ARHGAP45: variants seen among roughly 807,000 people sequenced by gnomAD.
The protein encoded by ARHGAP45 is Rho GTPase activating protein 45, also known as rho GTPase-activating protein 45.
Under a neutral mutation model 116.1 loss-of-function variants are expected in ARHGAP45, and 56 were observed. The observed-to-expected ratio is 0.48, with a 90% CI of 0.39 to 0.60. The LOEUF (loss-of-function observed/expected upper bound fraction) is 0.60, where lower values mean the gene tolerates loss of function less well. Among genes scored for constraint, ARHGAP45 ranks in the 20% least tolerant of loss-of-function variants. The pLI is 0.00. For missense variants in ARHGAP45, 1,622 were observed against 1,601.0 expected, an observed-to-expected ratio of 1.01 and a Z score of -0.22; for synonymous variants, 866 against 701.7, an observed-to-expected ratio of 1.23 and a Z score of -3.70.
chr19:1,068,192 T>G lies in ARHGAP45; in HGVS notation c.91-222T>G. On this transcript the variant is annotated intron_variant, in intron 1 of 22. Coordinates refer to ENST00000313093, the MANE Select transcript of ARHGAP45 (RefSeq NM_012292.5). The surrounding 1 kb of genome is among the most constrained non-coding windows in gnomAD (Gnocchi z 7.5). ...CCCGCAGGCCCCGCCCCGGCTGTGG[T>G]TTGGGCAAGGACCGTTGTTTGTGAA... 16 of 498,386 alleles carry G rather than the reference T, an allele frequency of 3.2e-5. No individual in the cohort carries two copies. Among genetic ancestry groups the G allele is most frequent in the Non-Finnish European group, 4.2e-5 (12 of 287,914 alleles). The allele number at this position is 498,386 out of a possible 1,614,324, so 30.9% of individuals were successfully genotyped here. A position where few individuals can be genotyped will look rare whatever the true frequency, so the allele number is the denominator to read the frequency against.
rs1568464614 is a variant in ARHGAP45, at chr19:1,076,481, G to GTTTTTTTTTTTTTTTTTTTTTT, written c.1186-1375_1186-1374insTTTTTTTTTTTTTTTTTTTTTT. 1.5e-4 allele frequency among the ~76,000 whole-genome samples: 16 copies of GTTTTTTTTTTTTTTTTTTTTTT among 104,172 alleles called. 2 individuals carry two copies. Among genetic ancestry groups the GTTTTTTTTTTTTTTTTTTTTTT allele is most frequent in the African/African-American group, 6.3e-4 (16 of 25,344 alleles). 68.3% of individuals were successfully genotyped at this position (104,172 alleles called of 152,430 possible). ...TAGAAACCTGTGATTGTTGGCAGTA[G>GTTTTTTTTTTTTTTTTTTTTTT]TCTTTTTTTTTTTTTTTTTTTTTTT... On this transcript the variant is annotated intron_variant, in intron 10 of 22. Coordinates refer to ENST00000313093, the MANE Select transcript of ARHGAP45 (RefSeq NM_012292.5).
At position 1,071,270 on chromosome 19, in the gene ARHGAP45, G is replaced by A; in HGVS notation, c.422-1879G>A. On this transcript the variant is annotated intron_variant, in intron 2 of 22. Transcript: ENST00000313093. The surrounding 1 kb of genome is among the most constrained non-coding windows in gnomAD (Gnocchi z 4.6). ...CAGGCCCCACGCGCTCGCGGTCTCC[G>A]CGCCCCGACGGCTGCGCCATGTGTA... 4 of 1,480,488 alleles carry A rather than the reference G, an allele frequency of 2.7e-6. No homozygotes were observed. The highest frequency in any genetic ancestry group is 3.6e-6 in the Non-Finnish European group (4 of 1,120,444). The allele number at this position is 1,480,488 out of a possible 1,614,324, so 91.7% of individuals were successfully genotyped here.
At position 1,081,868 on chromosome 19, in the gene ARHGAP45, G is replaced by A; in HGVS notation, c.2424G>A (p.Leu808=). The A allele has an allele frequency of 6.2e-7, 1 of 1,613,088 alleles. No homozygotes were observed. The highest frequency in any genetic ancestry group is 1.7e-5 in the Admixed American group (1 of 59,998). ...GGGTAAAGACACGCGTGGAGAAGCT[G>A]TGCCAGGCCTTCGAGAACGGCAAGG... The part of the protein sequence containing the change: ...VNGVKTRVEK[L]CQAFENGKEL... Residue 808 remains leucine, a synonymous_variant, in exon 19 of 23, where the codon CTG becomes CTA. Transcript: ENST00000313093.
At chr19:1,078,103 T>C in intron 11 of ARHGAP45, 58 bp downstream of exon 11, 1 of 1,506,210 alleles carries the variant, frequency 6.6e-7, no homozygotes, top group Non-Finnish European at 8.9e-7. Context: ...CAATGCTTGG[T>C]GTGACATTTA....
chr19:1,071,459 G>T lies in ARHGAP45; in HGVS notation c.422-1690G>T, dbSNP rs967616521. On this transcript the variant is annotated intron_variant, in intron 2 of 22. Transcript: ENST00000313093. The surrounding 1 kb of genome is among the most constrained non-coding windows in gnomAD (Gnocchi z 4.6). ...GGTGGGGGAGCAGCGGCTGCCGCGC[G>T]CCTGGCCTGGCCGTGCGCACCTGGG... 38 of 928,118 alleles carry T rather than the reference G, an allele frequency of 4.1e-5. No individual in the cohort carries two copies. In the Admixed American group the frequency reaches 7.6e-4, roughly 18 times the overall value. 57.5% of individuals were successfully genotyped at this position (928,118 alleles called of 1,614,324 possible).
chr19:1,074,515 C>G (rs1459617912), intron 8 of ARHGAP45, 99 bp from the exon 9 acceptor site: 6 of 1,394,456 alleles, frequency 4.3e-6, no homozygotes, highest in Non-Finnish European at 5.8e-6. Flanking sequence ...TCTACATTAA[C>G]GGGGGTGGCT....
chr19:1,077,949 G>A lies in ARHGAP45; in HGVS notation c.1278G>A (p.Ala426=), dbSNP rs560607854. The change falls in exon 11 of 23, where the codon GCG becomes GCA. Residue 426 remains alanine (A), a synonymous_variant. Coordinates refer to ENST00000313093, the MANE Select transcript of ARHGAP45 (RefSeq NM_012292.5). ...HDKARFLVAK[A]EEEQAGSAPG... ...AGGCTCGCTTCCTCGTGGCCAAGGC[G>A]GAGGAGGAGCAGGCTGGCAGCGCGC... 169 of 1,553,460 alleles carry A rather than the reference G, an allele frequency of 1.1e-4. No homozygotes were observed. Among genetic ancestry groups the A allele is most frequent in the South Asian group, 2.3e-4 (19 of 84,198 alleles).
rs761730903 is a variant in ARHGAP45 at position 1,074,115 on chromosome 19, G to A, written c.802G>A (p.Ala268Thr). Residue 268 changes from alanine to threonine, a missense_variant, in exon 7 of 23, where the codon GCC becomes ACC. Transcript: ENST00000313093. ...LEDCDAGCLP[A>T]EEVDVLLQRC... Reference sequence around the variant, plus strand: ...CCCGTTCCCTGCAGGCTGCCTGCCCGCCGAGGAGGTGGACGTGCTGCTACA... The same window carrying A: ...CCCGTTCCCTGCAGGCTGCCTGCCCACCGAGGAGGTGGACGTGCTGCTACA... 9 of 1,612,234 alleles carry A rather than the reference G, an allele frequency of 5.6e-6. No homozygotes were observed. In the East Asian group the frequency reaches 1.3e-4, roughly 24 times the overall value.
In ARHGAP45 at chr19:1,071,780, C is replaced by G. The variant is rs1401796629; in HGVS notation, c.422-1369C>G. 1 of 152,164 alleles carries G rather than the reference C, an allele frequency of 6.6e-6. No homozygotes were observed. The highest frequency in any genetic ancestry group is 2.4e-5 in the African/African-American group (1 of 41,446). 9.4% of individuals were successfully genotyped at this position (152,164 alleles called of 1,614,324 possible). A position where few individuals can be genotyped will look rare whatever the true frequency, so the allele number is the denominator to read the frequency against. On this transcript the variant is annotated intron_variant, in intron 2 of 22. Coordinates refer to ENST00000313093, the MANE Select transcript of ARHGAP45 (RefSeq NM_012292.5). The surrounding 1 kb of genome is among the most constrained non-coding windows in gnomAD (Gnocchi z 4.6). ...GCGGGTGACTCGGTCGGTCTCTTCC[C>G]GGAGGTGACATTCACCTGGGGTCTT...
upstream of ARHGAP45, among the ~76,000 whole-genome samples, chr19:1,066,933 G>T (rs529271446): frequency 3.2e-3 from 490 of 152,260 alleles, 1 homozygote; most frequent in African/African-American, 0.012. Flanking sequence ...GGTGGCGTCT[G>T]AGCGCGTGTG....
At chr19:1,084,191 GA>G in intron 21 of ARHGAP45, 46 bp from the exon 22 acceptor site, 1 of 1,550,260 alleles carries the variant, frequency 6.5e-7, no homozygotes, top group South Asian at 1.1e-5. Context: ...TTATAACATG[GA>G]AAATGGAGCC....
chr19:1,085,007 G>A (rs1045408472), intron 22 of ARHGAP45, among the ~76,000 whole-genome samples: 2 of 152,154 alleles, frequency 1.3e-5, no homozygotes, highest in Non-Finnish European at 2.9e-5. Context: ...ACTTGAACCG[G>A]GGAGGCAGAG....
rs1199160690 is a variant in ARHGAP45 at position 1,079,735 on chromosome 19, C to T, written c.1407C>T (p.Cys469=). 47 of 1,612,472 alleles carry T rather than the reference C, an allele frequency of 2.9e-5. No individual in the cohort carries two copies. The highest frequency in any genetic ancestry group is 3.6e-5 in the Non-Finnish European group (43 of 1,179,752). ...AEEAMATYRT[C]VADAKTQKQE... is the part of the protein sequence containing the mutation. ...AAGCTATGGCCACCTACCGCACCTG[C>T]GTGGCCGACGCGAAGACGCAGAAGC... The change falls in exon 12 of 23, where the codon TGC becomes TGT. Residue 469 remains cysteine, a synonymous_variant. Transcript: ENST00000313093.
intron 22 of ARHGAP45, among the ~76,000 whole-genome samples, 158 bp from the exon 23 acceptor site, chr19:1,085,502 G>C (rs538563252): frequency 6.9e-6 from 1 of 144,644 alleles, no homozygotes. Flanking sequence ...CCCTCCCCTT[G>C]TCTCTCCTCC....
At chr19:1,085,569 GTCTCTCCCCA>G (rs951971399) in intron 22 of ARHGAP45, 81 bp from the exon 23 acceptor site, 3 of 749,272 alleles carry the variant, frequency 4.0e-6, no homozygotes, top group African/African-American at 2.1e-5. Context: ...CCCCTCTCCT[GTCTCTCCCCA>G]TCTCTCCTGT....
chr19:1,070,942 T>C (rs1378880788), intron 2 of ARHGAP45, among the ~76,000 whole-genome samples: 1 of 152,166 alleles, frequency 6.6e-6, no homozygotes, highest in Admixed American at 6.5e-5. Context: ...TGGGGCCACC[T>C]GCATGCAGCG....
Position 1,079,722 on chromosome 19 carries a change from C to T in ARHGAP45, c.1394C>T (p.Thr465Ile). 1.9e-6 allele frequency: 3 copies of T among 1,612,632 alleles called. No homozygotes were observed. Among genetic ancestry groups the T allele is most frequent in the South Asian group, 1.1e-5 (1 of 91,058 alleles). ...AKNKAEEAMA[T>I]YRTCVADAKT... ...CCGCAGGCGGAGGAAGCTATGGCCA[C>T]CTACCGCACCTGCGTGGCCGACGCG... Residue 465 changes from threonine (T) to isoleucine (I), a missense_variant, in exon 12 of 23, where the codon ACC becomes ATC. Thr to Ile is a moderately conservative substitution (Grantham distance 89). Coordinates refer to ENST00000313093, the MANE Select transcript of ARHGAP45 (RefSeq NM_012292.5).
At chr19:1,070,612 G>T (rs775429136) in intron 2 of ARHGAP45, among the ~76,000 whole-genome samples, 3 of 150,842 alleles carry the variant, frequency 2.0e-5, no homozygotes, top group Non-Finnish European at 4.4e-5. Flanking sequence ...CTCCCAAAGC[G>T]CCAGGATTAC....
At chr19:1,078,350 A>G (rs1190705017) in intron 11 of ARHGAP45, among the ~76,000 whole-genome samples, 1 of 151,842 alleles carries the variant, frequency 6.6e-6, no homozygotes, top group Non-Finnish European at 1.5e-5. Context: ...TCACTGTGTT[A>G]GCCAGGATGG....
Sources: gnomAD v4.1 joint callset for allele counts (sites outside exome capture counted in the v4.1 genomes callset) on GRCh38, gnomAD v4.1.1 for gene constraint, Gnocchi (gnomAD v3.1) non-coding constraint, MANE v1.5 for transcripts, NCBI Gene and HGNC (gene_info 2026-07-23, HGNC 2026-07-21) for gene names.